The following EPHA6 variants were observed in gnomAD, a reference collection of about 807,000 sequenced individuals.
The protein encoded by EPHA6 is EPH receptor A6, also known as ephrin type-A receptor 6.
EPHA6 carries 50 observed loss-of-function variants against 112.0 expected under a neutral mutation model. The ratio of observed to expected loss-of-function variants is 0.45; its 90% CI spans 0.36 to 0.56. The LOEUF is 0.56. Ranked by LOEUF, EPHA6 falls within the 20% of genes least tolerant of loss-of-function variation. The pLI is 0.00. For missense variants in EPHA6, 1,280 were observed against 1,417.4 expected (o/e 0.90, Z 1.56); for synonymous variants, 529 against 490.7 (o/e 1.08, Z -1.03).
At chr3:97,044,139 T>A (rs2045421897) in intron 3 of EPHA6, among the ~76,000 whole-genome samples, 2 of 152,252 alleles carry the variant, frequency 1.3e-5, no homozygotes, top group African/African-American at 4.8e-5. Context: ...TTTCTACATG[T>A]GACAAAGTCC....
intron 5 of EPHA6, among the ~76,000 whole-genome samples, chr3:97,334,478 C>CTTTTTTTT (rs1354125066): frequency 1.6e-5 from 2 of 128,064 alleles, no homozygotes; most frequent in African/African-American, 5.9e-5. Context: ...TTTTTTTCTT[C>CTTTTTTTT]TTTTTTTTTT....
intron 2 of EPHA6, among the ~76,000 whole-genome samples, chr3:96,919,657 A>T (rs1302252297): frequency 1.3e-5 from 2 of 152,020 alleles, no homozygotes; most frequent in South Asian, 4.1e-4. Context: ...AGTTTCATAG[A>T]TATAGAAATC....
chr3:97,247,864 T>C (rs1485244429), intron 5 of EPHA6, among the ~76,000 whole-genome samples: 1 of 151,874 alleles, frequency 6.6e-6, no homozygotes, highest in African/African-American at 2.4e-5. Flanking sequence ...ATGGAAAAAA[T>C]ATTAGAGACC....
At chr3:96,822,610 A>G (rs917504745) in intron 1 of EPHA6, among the ~76,000 whole-genome samples, 4 of 151,708 alleles carry the variant, frequency 2.6e-5, no homozygotes, top group African/African-American at 9.7e-5. Flanking sequence ...AGATAGAAAT[A>G]TTTAATTTAT....
chr3:97,371,473 T>C (rs886147014), intron 5 of EPHA6, among the ~76,000 whole-genome samples: 27 of 152,186 alleles, frequency 1.8e-4, no homozygotes, highest in African/African-American at 6.0e-4. Context: ...ACCTCCCCAA[T>C]CAATACCCTT....
intron 14 of EPHA6, among the ~76,000 whole-genome samples, chr3:97,659,989 G>A (rs2094159512): frequency 6.6e-6 from 1 of 151,958 alleles, no homozygotes; most frequent in African/African-American, 2.4e-5. Flanking sequence ...ATTCGTAGAT[G>A]GGTATTGTTC....
chr3:96,989,836 C>T (rs1436269876), intron 3 of EPHA6, among the ~76,000 whole-genome samples: 1 of 152,060 alleles, frequency 6.6e-6, no homozygotes, highest in Non-Finnish European at 1.5e-5. Context: ...AATCACTTCC[C>T]ACCAGGCCCC....
intron 4 of EPHA6, among the ~76,000 whole-genome samples, chr3:97,227,308 C>T (rs1345738805): frequency 1.3e-5 from 2 of 151,644 alleles, no homozygotes; most frequent in African/African-American, 4.8e-5. Flanking sequence ...GCAGCCTCCA[C>T]CTCCCGGATT....
intron 6 of EPHA6, among the ~76,000 whole-genome samples, chr3:97,433,676 A>G (rs555761064): frequency 1.7e-3 from 256 of 152,298 alleles, no homozygotes; most frequent in African/African-American, 5.9e-3. Context: ...TATATCAAAT[A>G]TATCCCAATT....
intron 3 of EPHA6, among the ~76,000 whole-genome samples, chr3:97,073,760 G>A (rs2046430201): frequency 6.6e-6 from 1 of 151,834 alleles, no homozygotes; most frequent in Non-Finnish European, 1.5e-5. Context: ...AGTATATACA[G>A]TATATTAAAG....
chr3:97,521,198 C>CT (rs137956926), intron 10 of EPHA6, among the ~76,000 whole-genome samples: 2,492 of 140,046 alleles, frequency 0.018, 28 homozygotes, highest in Non-Finnish European at 0.028. Flanking sequence ...TTATAAATTT[C>CT]TTTTTTTTTT....
intron 3 of EPHA6, among the ~76,000 whole-genome samples, chr3:97,179,731 C>CTCTCTCTCTT (rs1377893472): frequency 8.7e-5 from 13 of 149,980 alleles, no homozygotes; most frequent in African/African-American, 2.5e-4. Context: ...CTCTCTCTCT[C>CTCTCTCTCTT]TCTCTCTCTC....
At chr3:97,540,165 T>G (rs2092829650) in intron 11 of EPHA6, among the ~76,000 whole-genome samples, 1 of 152,234 alleles carries the variant, frequency 6.6e-6, no homozygotes. Flanking sequence ...TGATTTACTG[T>G]GCTTTCTCTC....
intron 3 of EPHA6, among the ~76,000 whole-genome samples, chr3:97,071,145 C>T (rs1456899553): frequency 6.6e-6 from 1 of 151,904 alleles, no homozygotes; most frequent in East Asian, 2.0e-4. Context: ...ACAACTTTGG[C>T]CATTCTTTGC....
chr3:97,498,468 C>T (rs528515099), intron 10 of EPHA6, among the ~76,000 whole-genome samples: 1 of 151,836 alleles, frequency 6.6e-6, no homozygotes, highest in East Asian at 1.9e-4. Flanking sequence ...TGGGCCATTA[C>T]CTGACTAAGG....
chr3:96,923,760 G>A (rs1484049381), intron 2 of EPHA6, among the ~76,000 whole-genome samples: 1 of 151,978 alleles, frequency 6.6e-6, no homozygotes, highest in East Asian at 1.9e-4. Context: ...TATAGTTTTG[G>A]GTTTCACATT....
intron 4 of EPHA6, among the ~76,000 whole-genome samples, chr3:97,232,243 A>G (rs1027477903): frequency 2.6e-5 from 4 of 152,200 alleles, no homozygotes; most frequent in African/African-American, 9.7e-5. Context: ...TGTCACAATG[A>G]TTTAAATGAG....
intron 12 of EPHA6, among the ~76,000 whole-genome samples, chr3:97,600,962 T>C (rs549284035): frequency 1.3e-5 from 2 of 152,122 alleles, no homozygotes; most frequent in South Asian, 4.1e-4. Context: ...TTCTCTATTT[T>C]CAGAATTTTT....
chr3:97,467,685 C>G (rs940914224), intron 7 of EPHA6, among the ~76,000 whole-genome samples: 1 of 151,704 alleles, frequency 6.6e-6, no homozygotes, highest in Admixed American at 6.6e-5. Context: ...CAAGACCTAT[C>G]TCAACTGCCA....
Sources: allele counts gnomAD v4.1 joint callset (sites outside exome capture counted in the v4.1 genomes callset), GRCh38; gene constraint gnomAD v4.1.1; transcripts MANE v1.5; gene names NCBI Gene and HGNC (gene_info 2026-07-23, HGNC 2026-07-21).